ARB2A: variants seen among roughly 807,000 people sequenced by gnomAD.
ARB2A encodes ARB2 cotranscriptional regulator A, also known as cotranscriptional regulator ARB2A.
the ARB2A span, among the ~76,000 whole-genome samples, chr5:94,017,517 T>C: frequency 6.6e-6 from 1 of 152,204 alleles, no homozygotes; most frequent in East Asian, 1.9e-4. Context: ...ATGGATATGG[T>C]ATCTGATGGG....
the ARB2A span, among the ~76,000 whole-genome samples, chr5:93,764,049 G>C: frequency 6.6e-6 from 1 of 152,204 alleles, no homozygotes; most frequent in Non-Finnish European, 1.5e-5. Flanking sequence ...ATTCAAAGCA[G>C]TGTGTAGAGG....
chr5:93,895,904 AT>A, the ARB2A span, among the ~76,000 whole-genome samples: 1 of 152,018 alleles, frequency 6.6e-6, no homozygotes, highest in Non-Finnish European at 1.5e-5. Context: ...TTATTTTAAA[AT>A]TAACAAAATA....
chr5:93,730,018 G>A, the ARB2A span, among the ~76,000 whole-genome samples: 2 of 152,094 alleles, frequency 1.3e-5, no homozygotes, highest in African/African-American at 4.8e-5. Context: ...TTCACATGGT[G>A]TATATATGTG....
At chr5:93,800,347 T>G in the ARB2A span, among the ~76,000 whole-genome samples, 1 of 150,132 alleles carries the variant, frequency 6.7e-6, no homozygotes, top group Non-Finnish European at 1.5e-5. Context: ...TACCTTTAGC[T>G]AATAAAAATA....
the ARB2A span, among the ~76,000 whole-genome samples, chr5:93,894,629 C>A: frequency 2.0e-5 from 3 of 152,090 alleles, no homozygotes; most frequent in African/African-American, 7.2e-5. Context: ...ATTCATTTAT[C>A]TTTTCATCAA....
At chr5:93,987,424 AG>A in the ARB2A span, among the ~76,000 whole-genome samples, 1 of 152,218 alleles carries the variant, frequency 6.6e-6, no homozygotes, top group African/African-American at 2.4e-5. Context: ...AATGGCAATG[AG>A]TGGTCTAATT....
chr5:94,030,468 G>A, the ARB2A span, among the ~76,000 whole-genome samples: 1 of 152,204 alleles, frequency 6.6e-6, no homozygotes, highest in Non-Finnish European at 1.5e-5. Flanking sequence ...CTGATCCTTG[G>A]GCATGGGCCC....
At chr5:93,996,176 T>C in the ARB2A span, among the ~76,000 whole-genome samples, 1 of 152,060 alleles carries the variant, frequency 6.6e-6, no homozygotes, top group African/African-American at 2.4e-5. Context: ...ATATTATCTA[T>C]ATGCCCATAT....
the ARB2A span, among the ~76,000 whole-genome samples, chr5:94,096,833 C>G: frequency 2.0e-5 from 3 of 152,126 alleles, no homozygotes; most frequent in Non-Finnish European, 2.9e-5. Flanking sequence ...GAGGAGGAAG[C>G]TGGGAACTCA....
the ARB2A span, among the ~76,000 whole-genome samples, chr5:94,035,612 A>G: frequency 6.6e-6 from 1 of 152,090 alleles, no homozygotes; most frequent in Non-Finnish European, 1.5e-5. Context: ...CCAACTGCCC[A>G]TCAATGTTAG....
chr5:93,780,268 T>G, the ARB2A span, among the ~76,000 whole-genome samples: 112 of 152,316 alleles, frequency 7.4e-4, 1 homozygote, highest in African/African-American at 2.5e-3. Context: ...ACAACTATTA[T>G]GTAGAGCCGC....
At chr5:93,805,009 G>A in the ARB2A span, 8 of 977,584 alleles carry the variant, frequency 8.2e-6, no homozygotes, top group Non-Finnish European at 9.7e-6. Flanking sequence ...TAGTCAAACA[G>A]AAAAAAATAC....
the ARB2A span, among the ~76,000 whole-genome samples, chr5:94,017,188 T>C: frequency 2.6e-5 from 4 of 152,202 alleles, no homozygotes; most frequent in Non-Finnish European, 1.5e-5. Flanking sequence ...GGCTGGCTAC[T>C]GAAAGCAATA....
the ARB2A span, among the ~76,000 whole-genome samples, chr5:94,082,714 T>G: frequency 6.6e-6 from 1 of 152,140 alleles, no homozygotes; most frequent in Non-Finnish European, 1.5e-5. Context: ...TTTTTTTGGC[T>G]TCTAGAATTT....
the ARB2A span, among the ~76,000 whole-genome samples, chr5:93,664,272 G>A: frequency 2.0e-5 from 3 of 151,922 alleles, no homozygotes; most frequent in African/African-American, 7.3e-5. Context: ...TTGCAGACAG[G>A]TTCTCATTAT....
At chr5:93,881,397 C>T in the ARB2A span, 1 of 1,124,702 alleles carries the variant, frequency 8.9e-7, no homozygotes, top group Non-Finnish European at 1.3e-6. Context: ...TGAAGAAAAA[C>T]AAAACAATCT....
the ARB2A span, among the ~76,000 whole-genome samples, chr5:93,829,268 T>C: frequency 6.6e-6 from 1 of 152,132 alleles, no homozygotes; most frequent in African/African-American, 2.4e-5. Context: ...TGTGTTCCAG[T>C]TGTAGGGAGC....
At chr5:93,770,428 T>C in the ARB2A span, among the ~76,000 whole-genome samples, 1 of 152,090 alleles carries the variant, frequency 6.6e-6, no homozygotes, top group Admixed American at 6.6e-5. Context: ...ACCACTCCTA[T>C]TCAACATAGT....
chr5:93,878,713 T>C, the ARB2A span, among the ~76,000 whole-genome samples: 1 of 152,060 alleles, frequency 6.6e-6, no homozygotes, highest in South Asian at 2.1e-4. Context: ...CATTAAATAA[T>C]AGCTGATCAA....
Sources: gnomAD v4.1 joint callset for allele counts (sites outside exome capture counted in the v4.1 genomes callset) on GRCh38, gnomAD v4.1.1 for gene constraint, MANE v1.5 for transcripts, NCBI Gene and HGNC (gene_info 2026-07-23, HGNC 2026-07-21) for gene names.